ITPR3: variants seen among roughly 807,000 people sequenced by gnomAD.
ITPR3 encodes inositol 1,4,5-trisphosphate receptor type 3, also known as inositol 1,4,5-trisphosphate-gated calcium channel ITPR3.
A neutral mutation model predicts 293.2 loss-of-function variants in ITPR3; 173 were observed. The ratio of observed to expected loss-of-function variants is 0.59; its 90% CI spans 0.52 to 0.67. The LOEUF (loss-of-function observed/expected upper bound fraction) is 0.67, where lower values mean the gene tolerates loss of function less well. Among genes scored for constraint, ITPR3 ranks in the 30% least tolerant of loss-of-function variants. The pLI is 0.00. For synonymous variants in ITPR3, 1,295 were observed against 1,444.4 expected (o/e 0.90, Z 2.35); for missense variants, 2,796 against 3,592.1 (o/e 0.78, Z 5.66).
chr6:33,659,193 CTG>C, intron 6 of ITPR3, 74 bp downstream of exon 6: 1 of 1,365,906 alleles, frequency 7.3e-7, no homozygotes, highest in Non-Finnish European at 1.0e-6. Context: ...ACCCCGCTCC[CTG>C]CCATGGTCTC....
At position 33,637,730 on chromosome 6, in the gene ITPR3, C is replaced by T. The variant is rs751051581; in HGVS notation, c.90-2754C>T. Among the ~76,000 whole-genome samples, 35 of 151,750 alleles carry T rather than the reference C, an allele frequency of 2.3e-4. 1 individual carries two copies. Among genetic ancestry groups the T allele is most frequent in the African/African-American group, 6.8e-4 (28 of 41,254 alleles). ...TGCAACTCTGCCTCCTGGGTTCAAG[C>T]GATTCTCTTGCCTCAGCCTCCCGAG... On this transcript the variant is annotated intron_variant, in intron 1 of 57. Coordinates refer to ENST00000605930, the MANE Select transcript of ITPR3 (RefSeq NM_002224.4).
Position 33,682,565 on chromosome 6 carries a change from A to C in ITPR3, c.4518A>C (p.Thr1506=). ...TIVVQLLQST[T]RLLECPWLQQ... ...TGGTGCAGCTGCTGCAGTCTACCACACGCCTCCTCGAGTGTCCGTGGCTAC... is the reference window on the plus strand; with the variant it reads ...TGGTGCAGCTGCTGCAGTCTACCACCCGCCTCCTCGAGTGTCCGTGGCTAC... Residue 1506 remains threonine, a synonymous_variant, in exon 34 of 58, where the codon ACA becomes ACC. Coordinates refer to ENST00000605930, the MANE Select transcript of ITPR3 (RefSeq NM_002224.4). The surrounding 1 kb of genome is among the most constrained non-coding windows in gnomAD (Gnocchi z 5.4). 1 of 1,584,160 alleles carries C rather than the reference A, an allele frequency of 6.3e-7. No homozygotes were observed. The highest frequency in any genetic ancestry group is 8.6e-7 in the Non-Finnish European group (1 of 1,164,370).
chr6:33,632,654 G>A lies in ITPR3; in HGVS notation c.90-7830G>A, dbSNP rs1763709602. Among the ~76,000 whole-genome samples the A allele has an allele frequency of 1.3e-5, 2 of 152,340 alleles. No individual in the cohort carries two copies. The highest frequency in any genetic ancestry group is 6.5e-5 in the Admixed American group (1 of 15,302). On this transcript the variant is annotated intron_variant, in intron 1 of 57. Transcript: ENST00000605930. The surrounding 1 kb of genome is among the most constrained non-coding windows in gnomAD (Gnocchi z 4.1). ...CCAGAACAGCCCTGCCTGCCCACAGGCCTCCAGCCAGGACCCTTTCCCTGT... is the reference window on the plus strand; with the variant it reads ...CCAGAACAGCCCTGCCTGCCCACAGACCTCCAGCCAGGACCCTTTCCCTGT...
At chr6:33,689,029 C>T (rs1765317857) in intron 49 of ITPR3, among the ~76,000 whole-genome samples, 1 of 152,228 alleles carries the variant, frequency 6.6e-6, no homozygotes, top group African/African-American at 2.4e-5. Context: ...ATAGATGTGT[C>T]AGCCAGAAAC....
In ITPR3 at chr6:33,683,141, C is replaced by T. The variant is rs1316641436; in HGVS notation, c.4598-66C>T. 19 of 1,265,508 alleles carry T rather than the reference C, an allele frequency of 1.5e-5. No homozygotes were observed. Among genetic ancestry groups the T allele is most frequent in the Non-Finnish European group, 1.9e-5 (18 of 936,040 alleles). The allele number at this position is 1,265,508 out of a possible 1,614,324, so 78.4% of individuals were successfully genotyped here. On this transcript the variant is annotated intron_variant, in intron 34 of 57. Coordinates refer to ENST00000605930, the MANE Select transcript of ITPR3 (RefSeq NM_002224.4). This position sits in a 1 kb window ranked among gnomAD's most constrained non-coding sequence, Gnocchi z 4.5. ...TGTCTCCTGGTGTGGCAGCCCTGAG[C>T]CTGGCCTCTGGCTGGCTGAACTGCC...
In ITPR3 at chr6:33,655,890, A is replaced by G; in HGVS notation, c.282+3A>G. The G allele has an allele frequency of 6.2e-7, 1 of 1,613,306 alleles. No individual in the cohort carries two copies. ...TGGTGTTGCTGCAGAAGCTGCAGGT[A>G]TGTGTGTGTGTGCAGGCGTGCATCT... On this transcript the variant is annotated splice_donor_region_variant and intron_variant, in intron 3 of 57. Transcript: ENST00000605930. The surrounding 1 kb of genome is among the most constrained non-coding windows in gnomAD (Gnocchi z 4.9).
intron 43 of ITPR3, 97 bp from the exon 44 acceptor site, chr6:33,686,912 T>C: frequency 1.0e-6 from 1 of 968,960 alleles, no homozygotes; most frequent in East Asian, 2.4e-5. Context: ...GACCTTTTGT[T>C]GGATGGGAGA....
chr6:33,684,406 A>G lies in ITPR3; in HGVS notation c.4987A>G (p.Ile1663Val), dbSNP rs763961175. ...DLMESEEKLCIKVLRTLQQML... is the reference protein window; with the variant it reads ...DLMESEEKLCVKVLRTLQQML... ...CATGGAGTCGGAGGAGAAGCTGTGC[A>G]TCAAGGTGCTGCGGACCCTGCAGCA... The change falls in exon 37 of 58, where the codon ATC becomes GTC. Residue 1663 changes from isoleucine (I) to valine (V), a missense_variant. This residue lies in a region of ITPR3 where 704 missense variants were observed against 797.5 expected (regional missense o/e 0.88). Coordinates refer to ENST00000605930, the MANE Select transcript of ITPR3 (RefSeq NM_002224.4). This position sits in a 1 kb window ranked among gnomAD's most constrained non-coding sequence, Gnocchi z 4.2. 1 of 1,614,106 alleles carries G rather than the reference A, an allele frequency of 6.2e-7. No individual in the cohort carries two copies. Among genetic ancestry groups the G allele is most frequent in the Non-Finnish European group, 8.5e-7 (1 of 1,179,992 alleles).
At position 33,686,219 on chromosome 6, in the gene ITPR3, C is replaced by G; in HGVS notation, c.5834C>G (p.Thr1945Ser). 1.2e-6 allele frequency: 2 copies of G among 1,613,890 alleles called. No homozygotes were observed. Among genetic ancestry groups the G allele is most frequent in the Non-Finnish European group, 1.7e-6 (2 of 1,179,978 alleles). Residue 1945 changes from threonine to serine, a missense_variant, in exon 42 of 58, where the codon ACT (threonine) becomes AGT (serine). Thr to Ser is a moderately conservative substitution (Grantham distance 58, BLOSUM62 1). Coordinates refer to ENST00000605930, the MANE Select transcript of ITPR3 (RefSeq NM_002224.4). ...GLVIQTLETL[T>S]EYCQGPCHEN... is the part of the protein sequence containing the mutation. ...GTCATCCAGACCTTGGAGACCCTCA[C>G]TGAGTACTGCCAGGGCCCCTGCCAT...
rs1554134328 is a variant in ITPR3, at chr6:33,633,758, G to GCGGGGA, written c.90-6721_90-6720insACGGGG. Among the ~76,000 whole-genome samples, 2 of 145,004 alleles carry GCGGGGA rather than the reference G, an allele frequency of 1.4e-5. No homozygotes were observed. Among genetic ancestry groups the GCGGGGA allele is most frequent in the South Asian group, 4.2e-4 (2 of 4,732 alleles). ...GTTTCGCTTCGCCGCGGGGGCGGGG[G>GCGGGGA]CGGGGCCGGGGCCGGGGCCGGACGC... is the stretch of plus-strand genomic sequence containing the variant. On this transcript the variant is annotated intron_variant, in intron 1 of 57. Transcript: ENST00000605930. This position sits in a 1 kb window ranked among gnomAD's most constrained non-coding sequence, Gnocchi z 5.2.
rs1764916815 is a variant in ITPR3, at chr6:33,676,732, C to T, written c.3283-36C>T. On this transcript the variant is annotated intron_variant, in intron 25 of 57. Transcript: ENST00000605930. ...GTCTCTAAGTGGCATGGACCTGGAG[C>T]CCATCTCACCAGCCAGGCCCATCCT... 13 of 1,610,304 alleles carry T rather than the reference C, an allele frequency of 8.1e-6. No homozygotes were observed. The Admixed American group carries it at 1.8e-4, about 23-fold the overall frequency.
chr6:33,622,098 A>G (rs1763451651), intron 1 of ITPR3, among the ~76,000 whole-genome samples: 1 of 152,094 alleles, frequency 6.6e-6, no homozygotes, highest in Admixed American at 6.5e-5. Flanking sequence ...GGGCAGGCTC[A>G]GCTTGGAGCC....
chr6:33,680,201 G>A, intron 31 of ITPR3, 68 bp downstream of exon 31: 2 of 1,587,400 alleles, frequency 1.3e-6, no homozygotes, highest in South Asian at 2.3e-5. Context: ...CCACGGGACA[G>A]GAAGAGTGGG....
Position 33,643,353 on chromosome 6 carries a change from C to T in ITPR3, c.160+2799C>T, listed in dbSNP as rs188958421. Among the ~76,000 whole-genome samples, 16 of 152,338 alleles carry T rather than the reference C, an allele frequency of 1.1e-4. No homozygotes were observed. In the East Asian group the frequency reaches 1.9e-3, roughly 18 times the overall value. On this transcript the variant is annotated intron_variant, in intron 2 of 57. Transcript: ENST00000605930. ...CGCAAAGCCCCCACCACCCCCACCT[C>T]GGGAAGGAATCCCTGCATGGCTCCT...
intron 2 of ITPR3, among the ~76,000 whole-genome samples, chr6:33,653,994 G>A (rs1230713678): frequency 1.3e-5 from 2 of 152,208 alleles, no homozygotes; most frequent in African/African-American, 2.4e-5. Context: ...TCTGCCGGGC[G>A]TGGTGGCTCA....
chr6:33,691,808 G>A lies in ITPR3; in HGVS notation c.7338G>A (p.Arg2446=), dbSNP rs1765400289. The change falls in exon 54 of 58, where the codon AGG becomes AGA. Residue 2446 remains arginine (R), a synonymous_variant. Coordinates refer to ENST00000605930, the MANE Select transcript of ITPR3 (RefSeq NM_002224.4). The surrounding 1 kb of genome is among the most constrained non-coding windows in gnomAD (Gnocchi z 4.9). The part of the protein sequence containing the change: ...LSVPEVLEED[R]ELDSTERACD... The stretch of plus-strand genomic sequence containing the variant: ...CACACTCTCCGCTTGCAGAGGACAG[G>A]GAGCTGGACAGCACAGAGCGGGCCT... 6 of 1,614,126 alleles carry A rather than the reference G, an allele frequency of 3.7e-6. No individual in the cohort carries two copies. Among genetic ancestry groups the A allele is most frequent in the Non-Finnish European group, 5.1e-6 (6 of 1,179,990 alleles).
rs529275743 is a variant in ITPR3, at chr6:33,675,507, G to A, written c.3117-184G>A. 1.3e-5 allele frequency among the ~76,000 whole-genome samples: 2 copies of A among 152,046 alleles called. No individual in the cohort carries two copies. The highest frequency in any genetic ancestry group is 2.1e-4 in the South Asian group (1 of 4,810). ...GATCCCAGGAGACACGGGTCACTCC[G>A]GAGATTCAGGGGAGTGGCTGTTAAA... On this transcript the variant is annotated intron_variant, in intron 24 of 57. Coordinates refer to ENST00000605930, the MANE Select transcript of ITPR3 (RefSeq NM_002224.4). The surrounding 1 kb of genome is among the most constrained non-coding windows in gnomAD (Gnocchi z 5.0).
At position 33,688,389 on chromosome 6, in the gene ITPR3, T is replaced by G; in HGVS notation, c.6526T>G (p.Ser2176Ala). The G allele has an allele frequency of 7.1e-7, 1 of 1,404,324 alleles. No individual in the cohort carries two copies. The highest frequency in any genetic ancestry group is 1.6e-5 in the African/African-American group (1 of 63,124). The allele number at this position is 1,404,324 out of a possible 1,614,324, so 87.0% of individuals were successfully genotyped here. Residue 2176 changes from serine (S) to alanine (A), a missense_variant, in exon 48 of 58, where the codon TCC becomes GCC. Physicochemically the swap from Ser to Ala is moderately conservative, Grantham distance 99. Around this residue, in one of 8 missense-constraint regions of ITPR3, gnomAD observed 568 missense variants for 796.1 expected, o/e 0.71. Transcript: ENST00000605930. ...AGTGAGCGACTTCTTCGACCAGTCC[T>G]CCTTCCTGCACAACGAGATGGAGTG... is the stretch of plus-strand genomic sequence containing the variant. Reference protein sequence around the residue: ...SKVSDFFDQSSFLHNEMEWQR... With the variant: ...SKVSDFFDQSAFLHNEMEWQR...
At position 33,682,753 on chromosome 6, in the gene ITPR3, G is replaced by T; in HGVS notation, c.4597+109G>T. ...TTATCCCTAAGCTCGCCCATCTCCT[G>T]CTCCCAGGTGGTTGTCAGTAAGTTC... On this transcript the variant is annotated intron_variant, in intron 34 of 57. Transcript: ENST00000605930. This position sits in a 1 kb window ranked among gnomAD's most constrained non-coding sequence, Gnocchi z 5.4. 1 of 1,376,376 alleles carries T rather than the reference G, an allele frequency of 7.3e-7. No individual in the cohort carries two copies. Among genetic ancestry groups the T allele is most frequent in the Admixed American group, 3.2e-5 (1 of 30,970 alleles). The allele number at this position is 1,376,376 out of a possible 1,614,324, so 85.3% of individuals were successfully genotyped here.
Sources: gnomAD v4.1 joint callset for allele counts (sites outside exome capture counted in the v4.1 genomes callset) on GRCh38, gnomAD v4.1.1 for gene constraint, gnomAD v4.1.1 regional missense constraint, Gnocchi (gnomAD v3.1) non-coding constraint, MANE v1.5 for transcripts, NCBI Gene and HGNC (gene_info 2026-07-23, HGNC 2026-07-21) for gene names.